The following SPMIP4 variants were observed in gnomAD, a reference collection of about 807,000 sequenced individuals.
The protein encoded by SPMIP4 is sperm-associated microtubule inner protein 4.
the SPMIP4 span, chr7:25,179,400 G>A: frequency 1.4e-6 from 2 of 1,409,852 alleles, no homozygotes; most frequent in East Asian, 2.3e-5. Flanking sequence ...ATTTTACACT[G>A]CTAAATTGTT....
the SPMIP4 span, among the ~76,000 whole-genome samples, chr7:25,159,547 C>T: frequency 2.4e-4 from 37 of 152,068 alleles, no homozygotes; most frequent in Non-Finnish European, 4.4e-4. Flanking sequence ...AGAATGTTAT[C>T]AATTTGATAG....
the SPMIP4 span, among the ~76,000 whole-genome samples, chr7:25,146,571 G>A: frequency 6.6e-6 from 1 of 152,186 alleles, no homozygotes; most frequent in Admixed American, 6.5e-5. Flanking sequence ...CCTGGAATGA[G>A]GAAAGTATCT....
the SPMIP4 span, among the ~76,000 whole-genome samples, chr7:25,131,416 A>G: frequency 6.6e-6 from 1 of 152,240 alleles, no homozygotes; most frequent in Non-Finnish European, 1.5e-5. The surrounding 1 kb of genome is among the most constrained non-coding windows in gnomAD (Gnocchi z 4.2). Flanking sequence ...GTCCATGGAA[A>G]AATTGCCTTC....
the SPMIP4 span, chr7:25,168,384 A>T: frequency 6.2e-7 from 1 of 1,613,438 alleles, no homozygotes; most frequent in Middle Eastern, 1.7e-4. Context: ...CGGGGAGTGA[A>T]ATCGGTATTA....
the SPMIP4 span, among the ~76,000 whole-genome samples, chr7:25,170,602 T>G: frequency 6.6e-6 from 1 of 152,342 alleles, no homozygotes; most frequent in South Asian, 2.1e-4. Context: ...AGAACACAGT[T>G]ACAAATCCAA....
the SPMIP4 span, among the ~76,000 whole-genome samples, chr7:25,165,222 A>G: frequency 1.3e-5 from 2 of 152,112 alleles, no homozygotes; most frequent in African/African-American, 4.8e-5. Context: ...TGTGTCTTAT[A>G]TACTTTTATG....
chr7:25,141,140 A>G, the SPMIP4 span, among the ~76,000 whole-genome samples: 1 of 152,194 alleles, frequency 6.6e-6, no homozygotes, highest in East Asian at 1.9e-4. Context: ...GCCATTTCGC[A>G]TAATCAATTT....
chr7:25,152,455 T>C, the SPMIP4 span, among the ~76,000 whole-genome samples: 4 of 151,782 alleles, frequency 2.6e-5, no homozygotes, highest in African/African-American at 4.9e-5. Context: ...ACACTTACCA[T>C]GTGCCAGTCA....
chr7:25,146,674 C>G, the SPMIP4 span, among the ~76,000 whole-genome samples: 5 of 152,156 alleles, frequency 3.3e-5, no homozygotes, highest in Admixed American at 3.3e-4. Context: ...TCAGTGAGCT[C>G]TCTTTCAAAG....
At chr7:25,170,215 A>C in the SPMIP4 span, among the ~76,000 whole-genome samples, 288 of 152,272 alleles carry the variant, frequency 1.9e-3, 1 homozygote, top group African/African-American at 6.4e-3. Context: ...TTTCTGTTAA[A>C]ATTTAAAAAA....
At chr7:25,162,535 A>T in the SPMIP4 span, among the ~76,000 whole-genome samples, 5 of 152,218 alleles carry the variant, frequency 3.3e-5, no homozygotes, top group East Asian at 9.7e-4. Context: ...AAAGGATAAG[A>T]AAAGTACTCA....
At chr7:25,174,606 A>G in the SPMIP4 span, among the ~76,000 whole-genome samples, 2 of 152,332 alleles carry the variant, frequency 1.3e-5, no homozygotes, top group East Asian at 3.9e-4. The surrounding 1 kb of genome is among the most constrained non-coding windows in gnomAD (Gnocchi z 4.5). Context: ...TAAGAGTCGG[A>G]CAACAGCAAA....
At chr7:25,148,175 A>T in the SPMIP4 span, among the ~76,000 whole-genome samples, 1 of 152,206 alleles carries the variant, frequency 6.6e-6, no homozygotes, top group Admixed American at 6.5e-5. Context: ...TTCTCAGAGA[A>T]TGATGTAATT....
At chr7:25,134,116 C>T in the SPMIP4 span, among the ~76,000 whole-genome samples, 4 of 151,746 alleles carry the variant, frequency 2.6e-5, no homozygotes, top group Admixed American at 6.6e-5. Flanking sequence ...AAAACTTAGC[C>T]GGGCGTGGTG....
chr7:25,146,146 CAGAGAG>C, the SPMIP4 span, among the ~76,000 whole-genome samples: 1 of 149,800 alleles, frequency 6.7e-6, no homozygotes, highest in South Asian at 2.1e-4. Flanking sequence ...GGAATGAAGA[CAGAGAG>C]AGAGAGAGAG....
the SPMIP4 span, chr7:25,179,584 C>T: frequency 8.6e-5 from 26 of 301,114 alleles, no homozygotes; most frequent in African/African-American, 5.4e-4. Context: ...AGGTTCGTAC[C>T]AGTCCGCTAC....
chr7:25,168,041 T>C, the SPMIP4 span, among the ~76,000 whole-genome samples: 1 of 152,228 alleles, frequency 6.6e-6, no homozygotes, highest in Non-Finnish European at 1.5e-5. Flanking sequence ...GTTTTCTCTC[T>C]TTCTATCTCA....
At chr7:25,155,040 G>A in the SPMIP4 span, 8 of 1,613,876 alleles carry the variant, frequency 5.0e-6, no homozygotes, top group Admixed American at 1.2e-4. Flanking sequence ...TGAATCATAA[G>A]CCTTGGTTGG....
chr7:25,142,804 C>G, the SPMIP4 span: 3 of 1,525,484 alleles, frequency 2.0e-6, no homozygotes, highest in Non-Finnish European at 1.7e-6. Flanking sequence ...TTTCTCAACA[C>G]CTCTGGGAAA....
Sources: allele counts gnomAD v4.1 joint callset (sites outside exome capture counted in the v4.1 genomes callset), GRCh38; gene constraint gnomAD v4.1.1; non-coding constraint Gnocchi (gnomAD v3.1); transcripts MANE v1.5; gene names NCBI Gene and HGNC (gene_info 2026-07-23, HGNC 2026-07-21).